The following AHCY variants were observed in gnomAD, a reference collection of about 807,000 sequenced individuals.
AHCY encodes S-adenosyl-L-homocysteine hydrolase.
In AHCY, 24 loss-of-function variants were observed where a neutral mutation model predicts 45.4. That is an observed-to-expected ratio of 0.53 (90% CI 0.38 to 0.74). The LOEUF is 0.74. Ranked by LOEUF, AHCY falls within the 30% of genes least tolerant of loss-of-function variation. The pLI is 0.00. For synonymous variants in AHCY, 245 were observed against 235.1 expected, an observed-to-expected ratio of 1.04 and a Z score of -0.39; for missense variants, 449 against 594.1, an observed-to-expected ratio of 0.76 and a Z score of 2.54.
At chr20:34,302,128 G>A (rs1054131172) in intron 1 of AHCY, 6 of 380,218 alleles carry the variant, frequency 1.6e-5, no homozygotes, top group Non-Finnish European at 2.2e-5. Context: ...AGCCTCCCGA[G>A]TAGCTGGGAA....
chr20:34,292,647 G>T, intron 3 of AHCY, 140 bp from the exon 4 acceptor site: 1 of 1,230,306 alleles, frequency 8.1e-7, no homozygotes, highest in Non-Finnish European at 1.2e-6. Context: ...CTCAGCAGTG[G>T]TCAGGACACA....
At chr20:34,305,074 G>A (rs1003457284), upstream of AHCY, among the ~76,000 whole-genome samples, 2 of 151,014 alleles carry the variant, frequency 1.3e-5, no homozygotes, top group Non-Finnish European at 3.0e-5. Flanking sequence ...CCAGCACATT[G>A]GGAGGCCGAG....
downstream of AHCY, among the ~76,000 whole-genome samples, chr20:34,275,380 C>A (rs2035902379): frequency 6.6e-6 from 1 of 152,084 alleles, no homozygotes; most frequent in African/African-American, 2.4e-5. Context: ...GATCTGCCTG[C>A]CTCGGCCTCC....
Position 34,292,485 on chromosome 20 carries a change from C to T in AHCY, c.318G>A (p.Thr106=), listed in dbSNP as rs766103083. The change falls in exon 4 of 10, where the codon ACG becomes ACA. Residue 106 remains threonine, a synonymous_variant. Transcript: ENST00000217426. ...CAATGCACCACAGGTACTCCTCGTC[C>T]GTTTCGCCCTTCCAGGCATACACTG... ...GIPVYAWKGE[T]DEEYLWCIEQ... is the part of the protein sequence containing the mutation. 2.6e-5 allele frequency: 42 copies of T among 1,614,020 alleles called. No individual in the cohort carries two copies. Among genetic ancestry groups the T allele is most frequent in the Non-Finnish European group, 3.1e-5 (37 of 1,180,058 alleles).
intron 1 of AHCY, among the ~76,000 whole-genome samples, chr20:34,300,230 C>T (rs1434667681): frequency 1.3e-5 from 2 of 152,152 alleles, no homozygotes; most frequent in African/African-American, 4.8e-5. Flanking sequence ...CTCAGTTGGA[C>T]ACTGCCACAC....
the AHCY span, among the ~76,000 whole-genome samples, chr20:34,263,524 C>T: frequency 8.0e-4 from 122 of 152,244 alleles, no homozygotes; most frequent in African/African-American, 2.8e-3. Flanking sequence ...TGAGCCATTG[C>T]ACTCCAGCCT....
At position 34,294,109 on chromosome 20, in the gene AHCY, C is replaced by T. The variant is rs774661609; in HGVS notation, c.267G>A (p.Ala89=). The T allele has an allele frequency of 2.0e-5, 33 of 1,614,066 alleles. 1 individual carries two copies. The highest frequency in any genetic ancestry group is 8.8e-5 in the South Asian group (8 of 91,076). ...GAATGCCAGCCTTGGCAATGGCAGCCGCCGCATGGTCCTGGGTGGAGAAGA... is the reference window on the plus strand; with the variant it reads ...GAATGCCAGCCTTGGCAATGGCAGCTGCCGCATGGTCCTGGGTGGAGAAGA... ...CNIFSTQDHA[A]AAIAKAGIPV... is the part of the protein sequence containing the mutation. The change falls in exon 3 of 10, where the codon GCG becomes GCA. Residue 89 remains alanine, a synonymous_variant. Transcript: ENST00000217426.
intron 8 of AHCY, among the ~76,000 whole-genome samples, chr20:34,289,148 C>T (rs2036284643): frequency 1.3e-5 from 2 of 151,616 alleles, no homozygotes; most frequent in African/African-American, 4.9e-5. Context: ...GGATTACAGG[C>T]ACCCACCACC....
At chr20:34,249,347 G>A in the AHCY span, among the ~76,000 whole-genome samples, 1 of 141,826 alleles carries the variant, frequency 7.1e-6, no homozygotes, top group Non-Finnish European at 1.5e-5. Context: ...TGAGATATCC[G>A]ATGCCCAGAG....
intron 1 of AHCY, 55 bp downstream of exon 1, chr20:34,303,188 C>A: frequency 6.5e-7 from 1 of 1,549,982 alleles, no homozygotes; most frequent in South Asian, 1.2e-5. Flanking sequence ...CCGCCACGAA[C>A]AAGCCCCGGG....
the AHCY span, among the ~76,000 whole-genome samples, chr20:34,248,891 C>A: frequency 4.0e-5 from 6 of 150,570 alleles, no homozygotes; most frequent in African/African-American, 1.2e-4. Context: ...ATTCAACGTT[C>A]GAAGAGAACT....
At chr20:34,264,309 G>C in the AHCY span, among the ~76,000 whole-genome samples, 2 of 152,278 alleles carry the variant, frequency 1.3e-5, no homozygotes, top group Non-Finnish European at 1.5e-5. Context: ...ACCTCCTGTT[G>C]CCATTGCGGC....
chr20:34,248,167 C>T, the AHCY span, among the ~76,000 whole-genome samples: 3 of 151,876 alleles, frequency 2.0e-5, no homozygotes, highest in Non-Finnish European at 4.4e-5. Flanking sequence ...GATCGCACCA[C>T]TGCACTCCAG....
At chr20:34,258,675 ATATATATATATATATACATAC>A in the AHCY span, among the ~76,000 whole-genome samples, 1 of 28,054 alleles carries the variant, frequency 3.6e-5, no homozygotes, top group African/African-American at 1.9e-4. Flanking sequence ...GGGGGATGCC[ATATATATATATATATACATAC>A]TATATATATA....
the AHCY span, among the ~76,000 whole-genome samples, chr20:34,258,781 A>ATATATAGTGTATATATAATATATATAG: frequency 1.4e-5 from 1 of 72,550 alleles, no homozygotes; most frequent in African/African-American, 9.8e-5. Context: ...TATATATAGT[A>ATATATAGTGTATATATAATATATATAG]TATATATAGT....
At chr20:34,278,762 T>C (rs1442636246), downstream of AHCY, among the ~76,000 whole-genome samples, 7 of 152,156 alleles carry the variant, frequency 4.6e-5, no homozygotes, top group Admixed American at 4.6e-4. Context: ...CATACCTTTT[T>C]ACATATGATG....
chr20:34,235,809 G>GAA, the AHCY span, among the ~76,000 whole-genome samples: 12 of 55,238 alleles, frequency 2.2e-4, no homozygotes, highest in African/African-American at 2.2e-3. Context: ...AAGAAAGAAA[G>GAA]AAAGAAAGAA....
chr20:34,253,150 C>T, the AHCY span, among the ~76,000 whole-genome samples: 3 of 151,544 alleles, frequency 2.0e-5, no homozygotes, highest in Non-Finnish European at 2.9e-5. Flanking sequence ...CTCTGTTGCC[C>T]AGGCTGGAGT....
At chr20:34,301,284 C>T (rs937272182) in intron 1 of AHCY, among the ~76,000 whole-genome samples, 10 of 151,826 alleles carry the variant, frequency 6.6e-5, no homozygotes, top group African/African-American at 2.4e-4. Context: ...TGCTAAGCTC[C>T]ACCCCTCCAC....
Sources: gnomAD v4.1 joint callset for allele counts (sites outside exome capture counted in the v4.1 genomes callset) on GRCh38, gnomAD v4.1.1 for gene constraint, MANE v1.5 for transcripts, NCBI Gene and HGNC (gene_info 2026-07-23, HGNC 2026-07-21) for gene names.